The following CIP2A variants were observed in gnomAD, a reference collection of about 807,000 sequenced individuals.
CIP2A encodes the protein protein CIP2A.
Under a neutral mutation model 110.9 loss-of-function variants are expected in CIP2A, and 103 were observed. The ratio of observed to expected loss-of-function variants is 0.93; its 90% confidence interval spans 0.79 to 1.09. CIP2A has a LOEUF of 1.09. Ranked by LOEUF, CIP2A falls within the 50% of genes least tolerant of loss-of-function variation. CIP2A has a pLI of 0.00. For synonymous variants in CIP2A, 381 were observed against 361.6 expected (o/e 1.05, Z -0.61); for missense variants, 1,088 against 1,038.4 (o/e 1.05, Z -0.66).
rs749309834 is a variant in CIP2A, at chr3:108,551,317, A to G, written c.2550T>C (p.Ala850=). The part of the protein sequence containing the change: ...EQIRKELSIK[A]SSLEVQKAQL... ...GTGCCTTTTGAACCTCTAGGGAGGA[A>G]GCCTAAGGAATTGGGGTTGGGGGAG... Residue 850 remains alanine, a splice_region_variant and synonymous_variant, in exon 21 of 21, where the codon GCT becomes GCC. Coordinates refer to ENST00000295746, the MANE Select transcript of CIP2A (RefSeq NM_020890.3). 3.2e-5 allele frequency: 52 copies of G among 1,604,092 alleles called. No individual in the cohort carries two copies. Among genetic ancestry groups the G allele is most frequent in the Non-Finnish European group, 4.3e-5 (51 of 1,174,538 alleles).
intron 11 of CIP2A, 35 bp from the exon 12 acceptor site, chr3:108,565,489 G>T: frequency 8.4e-7 from 1 of 1,190,412 alleles, no homozygotes; most frequent in Non-Finnish European, 1.2e-6. Context: ...TTAGATAACT[G>T]AAAAATTTCT....
intron 8 of CIP2A, among the ~76,000 whole-genome samples, chr3:108,574,247 T>C (rs574946243): frequency 6.6e-6 from 1 of 152,122 alleles, no homozygotes; most frequent in Middle Eastern, 3.4e-3. Flanking sequence ...CCAATGAATA[T>C]GTAAAATGAT....
intron 8 of CIP2A, among the ~76,000 whole-genome samples, chr3:108,571,916 G>C (rs968884079): frequency 1.3e-5 from 2 of 152,014 alleles, no homozygotes; most frequent in Non-Finnish European, 2.9e-5. Flanking sequence ...TAATCAACTG[G>C]TGGGTGTCAG....
chr3:108,569,753 C>G (rs1469724535), intron 8 of CIP2A, 146 bp from the exon 9 acceptor site: 2 of 644,596 alleles, frequency 3.1e-6, no homozygotes, highest in Non-Finnish European at 5.4e-6. Flanking sequence ...TATTATTTTT[C>G]AAATGTGTGA....
intron 1 of CIP2A, among the ~76,000 whole-genome samples, chr3:108,588,836 C>T (rs944316930): frequency 7.2e-5 from 11 of 152,166 alleles, no homozygotes; most frequent in Non-Finnish European, 1.5e-4. Context: ...AGTTTGAGTT[C>T]AACCCGAGTT....
At chr3:108,566,041 C>A (rs927684649) in intron 11 of CIP2A, among the ~76,000 whole-genome samples, 2 of 151,778 alleles carry the variant, frequency 1.3e-5, no homozygotes, top group South Asian at 2.1e-4. Flanking sequence ...TATCTTATTA[C>A]CATCAGTGAA....
At position 108,557,417 on chromosome 3, in the gene CIP2A, C is replaced by CAAAAAAAA. The variant is rs745591488; in HGVS notation, c.2014-11_2014-4dup. The CAAAAAAAA allele has an allele frequency of 2.5e-6, 3 of 1,212,080 alleles. No individual in the cohort carries two copies. The Admixed American group carries it at 7.3e-5, about 29-fold the overall frequency. 75.1% of individuals were successfully genotyped at this position (1,212,080 alleles called of 1,614,324 possible). On this transcript the variant is annotated splice_polypyrimidine_tract_variant and splice_region_variant and intron_variant, in intron 16 of 20. Transcript: ENST00000295746. ...AACATACTAGCAAGTGTCCGTGCCT[C>CAAAAAAAA]AAAAAAAAAAAGAAGATAGACTTTA...
intron 12 of CIP2A, among the ~76,000 whole-genome samples, chr3:108,564,221 G>A (rs759808629): frequency 1.3e-5 from 2 of 151,896 alleles, no homozygotes; most frequent in Non-Finnish European, 2.9e-5. Context: ...GGAAATTGAA[G>A]TCGAGAGAGG....
intron 17 of CIP2A, among the ~76,000 whole-genome samples, chr3:108,556,988 T>C (rs1937826788): frequency 1.3e-5 from 2 of 152,162 alleles, no homozygotes; most frequent in Admixed American, 6.6e-5. Flanking sequence ...CTGTTATGAA[T>C]ACATAAAAGA....
intron 2 of CIP2A, among the ~76,000 whole-genome samples, chr3:108,583,398 G>T (rs931042477): frequency 6.6e-5 from 10 of 152,100 alleles, no homozygotes; most frequent in African/African-American, 2.4e-4. Flanking sequence ...TTTACACAAT[G>T]GAATACTATT....
In CIP2A at chr3:108,565,424, A is replaced by T; in HGVS notation, c.1446T>A (p.Thr482=). The change falls in exon 12 of 21, where the codon ACT becomes ACA. Residue 482 remains threonine (T), a synonymous_variant. Coordinates refer to ENST00000295746, the MANE Select transcript of CIP2A (RefSeq NM_020890.3). Reference sequence around the variant, plus strand: ...GTTTAAGTTTGTTAATCAAATCAAGAGTTTTCAAAATTACATCAGCAGCAA... The same window carrying T: ...GTTTAAGTTTGTTAATCAAATCAAGTGTTTTCAAAATTACATCAGCAGCAA... ...CKLAADVILK[T]LDLINKLKPL... 2 of 1,596,862 alleles carry T rather than the reference A, an allele frequency of 1.3e-6. No individual in the cohort carries two copies. The highest frequency in any genetic ancestry group is 1.7e-6 in the Non-Finnish European group (2 of 1,171,246).
rs763028459 is a variant in CIP2A, at chr3:108,566,498, A to G, written c.1414T>C (p.Cys472Arg). 1 of 1,606,356 alleles carries G rather than the reference A, an allele frequency of 6.2e-7. No individual in the cohort carries two copies. The highest frequency in any genetic ancestry group is 2.2e-5 in the East Asian group (1 of 44,572). Reference protein sequence around the residue: ...FGTKVADSELCKLAADVILKT... With the variant: ...FGTKVADSELRKLAADVILKT... ...TGTCATTAGAGTTTATATACTCACC[A>G]TAATTCAGAATCTGCAACCTTTGTT... is the stretch of plus-strand genomic sequence containing the variant. Residue 472 changes from cysteine to arginine, a missense_variant and splice_region_variant, in exon 11 of 21, where the codon TGC (cysteine) becomes CGC (arginine). Physicochemically the swap from Cys to Arg is radical, Grantham distance 180. Coordinates refer to ENST00000295746, the MANE Select transcript of CIP2A (RefSeq NM_020890.3).
intron 10 of CIP2A, 118 bp downstream of exon 10, chr3:108,568,037 G>A: frequency 1.4e-6 from 1 of 700,018 alleles, no homozygotes; most frequent in East Asian, 2.9e-5. Flanking sequence ...AGTAATTCTA[G>A]ATAAATATGA....
chr3:108,559,005 T>C (rs992399993), intron 16 of CIP2A, among the ~76,000 whole-genome samples: 3 of 151,988 alleles, frequency 2.0e-5, no homozygotes. Flanking sequence ...TAGAGATCCT[T>C]GGGGGAGCGG....
intron 8 of CIP2A, among the ~76,000 whole-genome samples, chr3:108,571,914 T>C (rs1938412460): frequency 6.6e-6 from 1 of 152,108 alleles, no homozygotes; most frequent in African/African-American, 2.4e-5. Flanking sequence ...TTTAATCAAC[T>C]GGTGGGTGTC....
At chr3:108,587,989 G>A (rs1022882140) in intron 1 of CIP2A, among the ~76,000 whole-genome samples, 6 of 152,118 alleles carry the variant, frequency 3.9e-5, no homozygotes, top group Non-Finnish European at 7.3e-5. Flanking sequence ...TGTTGGTCAG[G>A]CTGGTCTCAA....
Position 108,550,908 on chromosome 3 carries a change from T to C in CIP2A, c.*241A>G. The C allele has an allele frequency of 7.8e-6, 2 of 254,992 alleles. No homozygotes were observed. The highest frequency in any genetic ancestry group is 1.5e-5 in the Non-Finnish European group (2 of 136,176). The allele number at this position is 254,992 out of a possible 1,614,324, so 15.8% of individuals were successfully genotyped here. On this transcript the variant is annotated 3_prime_UTR_variant, in exon 21 of 21. Transcript: ENST00000295746. ...ATGGAGGTTAAAAATGATTTTCTAA[T>C]GTAAGAACCAAAGAAAACCTTAAGC...
chr3:108,560,609 C>G (rs752463400), intron 14 of CIP2A, 40 bp downstream of exon 14: 1 of 1,256,638 alleles, frequency 8.0e-7, no homozygotes, highest in East Asian at 2.4e-5. Flanking sequence ...TGACATATAG[C>G]TAATATGTAC....
chr3:108,583,368 G>T (rs1053876002), intron 2 of CIP2A, among the ~76,000 whole-genome samples: 1 of 152,010 alleles, frequency 6.6e-6, no homozygotes, highest in African/African-American at 2.4e-5. Context: ...AATATTAAAA[G>T]ATTATCACTT....
Sources: allele counts gnomAD v4.1 joint callset (sites outside exome capture counted in the v4.1 genomes callset), GRCh38; gene constraint gnomAD v4.1.1; transcripts MANE v1.5; gene names NCBI Gene and HGNC (gene_info 2026-07-23, HGNC 2026-07-21).